RARB: variants seen among roughly 807,000 people sequenced by gnomAD.
The protein encoded by RARB is HBV-activated protein.
RARB carries 17 observed loss-of-function variants against 51.9 expected under a neutral mutation model. The ratio of observed to expected loss-of-function variants is 0.33; its 90% CI spans 0.22 to 0.49. The LOEUF (loss-of-function observed/expected upper bound fraction) is 0.49. RARB is among the 20% of genes least tolerant of loss of function. The pLI, the probability that RARB is intolerant of heterozygous loss-of-function variation, is 0.99. For synonymous variants in RARB, 215 were observed against 195.4 expected, an observed-to-expected ratio of 1.10 and a Z score of -0.84; for missense variants, 369 against 550.8, an observed-to-expected ratio of 0.67 and a Z score of 3.30.
intron 3 of RARB, among the ~76,000 whole-genome samples, chr3:25,100,796 G>A (rs570840822): frequency 9.9e-5 from 15 of 152,068 alleles, no homozygotes; most frequent in African/African-American, 1.4e-4. Context: ...CAACACACAG[G>A]GTTATATACC....
chr3:25,075,013 A>G (rs1698844120), intron 3 of RARB, among the ~76,000 whole-genome samples: 1 of 152,190 alleles, frequency 6.6e-6, no homozygotes, highest in South Asian at 2.1e-4. Context: ...TAATGTGTCA[A>G]TTCAGGTTTG....
chr3:25,501,961 G>C (rs560608963), intron 3 of RARB, among the ~76,000 whole-genome samples: 1 of 152,346 alleles, frequency 6.6e-6, no homozygotes, highest in South Asian at 2.1e-4. Flanking sequence ...AGTATAAAAA[G>C]AGTATGTGTA....
intron 3 of RARB, among the ~76,000 whole-genome samples, chr3:25,529,103 G>A (rs1046752399): frequency 1.3e-5 from 2 of 152,002 alleles, no homozygotes; most frequent in African/African-American, 4.8e-5. Flanking sequence ...ATTACAGCTG[G>A]TTGGAGGATA....
chr3:25,090,654 TCTTCTCA>T (rs1699180699), intron 3 of RARB, among the ~76,000 whole-genome samples: 2 of 152,252 alleles, frequency 1.3e-5, no homozygotes, highest in South Asian at 2.1e-4. Flanking sequence ...ACAATGAATC[TCTTCTCA>T]CTTCCTATAT....
At position 25,594,034 on chromosome 3, in the gene RARB, G is replaced by GT. The variant is rs1373971082; in HGVS notation, c.991+330dup. On this transcript the variant is annotated intron_variant, in intron 6 of 7. Transcript: ENST00000330688. ...TGATGACAAGGGACTTGTATGTGCT[G>GT]TTTGTTATCTAGTGGGTAGGCATAC... Among the ~76,000 whole-genome samples, 5 of 152,150 alleles carry GT rather than the reference G, an allele frequency of 3.3e-5. No individual in the cohort carries two copies. In the East Asian group the frequency reaches 9.6e-4, roughly 29 times the overall value.
intron 2 of RARB, among the ~76,000 whole-genome samples, chr3:24,963,410 T>A (rs1285318893): frequency 7.3e-6 from 1 of 136,638 alleles, no homozygotes; most frequent in African/African-American, 2.5e-5. Context: ...CCTAATGGCT[T>A]CCCATCCTTG....
chr3:25,329,463 A>C (rs1434055523), intron 5 of RARB, among the ~76,000 whole-genome samples: 1 of 152,176 alleles, frequency 6.6e-6, no homozygotes, highest in Non-Finnish European at 1.5e-5. Flanking sequence ...TTAGAAGGAA[A>C]ACTAATAAAC....
chr3:25,143,668 A>T (rs182893560), intron 4 of RARB, among the ~76,000 whole-genome samples: 2 of 152,168 alleles, frequency 1.3e-5, no homozygotes, highest in African/African-American at 4.8e-5. Context: ...ACCCCAAACC[A>T]CCCAACTTTT....
intron 2 of RARB, among the ~76,000 whole-genome samples, chr3:24,952,875 A>AT (rs150342797): frequency 1.7e-4 from 25 of 149,494 alleles, no homozygotes; most frequent in South Asian, 1.1e-3. Context: ...TAAAACTGGT[A>AT]TTTTTTTTGT....
At chr3:25,263,604 C>T (rs1035889808) in intron 5 of RARB, among the ~76,000 whole-genome samples, 2 of 152,186 alleles carry the variant, frequency 1.3e-5, no homozygotes, top group African/African-American at 4.8e-5. Context: ...CTAACACACA[C>T]AGGCTATGGG....
In RARB at chr3:25,301,525, G is replaced by T. The variant is rs142781266; in HGVS notation, c.178+126950G>T. ...CTATTTAGTGCATTCATATTGTGTTGTAGAGCATGGATATGTACTTGTTAA... is the reference window on the plus strand; with the variant it reads ...CTATTTAGTGCATTCATATTGTGTTTTAGAGCATGGATATGTACTTGTTAA... On this transcript the variant is annotated intron_variant, in intron 5 of 11. Coordinates refer to the RARB transcript ENST00000383772. 1.5e-4 allele frequency among the ~76,000 whole-genome samples: 23 copies of T among 152,316 alleles called. No homozygotes were observed. In the East Asian group the frequency reaches 4.4e-3, roughly 29 times the overall value.
chr3:24,918,846 T>C (rs1055905137), intron 2 of RARB, among the ~76,000 whole-genome samples: 4 of 152,080 alleles, frequency 2.6e-5, no homozygotes, highest in African/African-American at 9.7e-5. Flanking sequence ...AGCCAGATCA[T>C]GCCATTGCAC....
intron 2 of RARB, among the ~76,000 whole-genome samples, chr3:24,877,378 A>G (rs952551996): frequency 6.9e-5 from 5 of 72,580 alleles, no homozygotes; most frequent in Non-Finnish European, 1.3e-4. Flanking sequence ...AATTCACATC[A>G]ATCTTCTTGA....
intron 3 of RARB, among the ~76,000 whole-genome samples, chr3:25,524,030 G>T (rs566848797): frequency 9.2e-5 from 14 of 152,268 alleles, no homozygotes; most frequent in African/African-American, 3.1e-4. Context: ...TTTTCTGTGG[G>T]GTTTCACTGC....
At chr3:24,897,981 A>G (rs1703514524) in intron 2 of RARB, among the ~76,000 whole-genome samples, 1 of 152,192 alleles carries the variant, frequency 6.6e-6, no homozygotes, top group South Asian at 2.1e-4. Context: ...GGGTGTTGAG[A>G]AAGTTAGTCC....
chr3:25,539,849 C>A (rs887847615), intron 3 of RARB, among the ~76,000 whole-genome samples: 1 of 152,092 alleles, frequency 6.6e-6, no homozygotes, highest in African/African-American at 2.4e-5. Context: ...TTAGTTTGAA[C>A]TGTGGGTCCA....
rs1388061431 is a variant in RARB at position 25,511,842 on chromosome 3, C to G, written c.448+10519C>G. On this transcript the variant is annotated intron_variant, in intron 3 of 7. Transcript: ENST00000330688. ...GGAGGGTCTTGCTTTTTTGCATCCT[C>G]AAGGTTTAGACCTTTCCTGATAAAA... is the stretch of plus-strand genomic sequence containing the variant. Among the ~76,000 whole-genome samples the G allele has an allele frequency of 2.0e-5, 3 of 152,166 alleles. No homozygotes were observed. In the East Asian group the frequency reaches 5.8e-4, roughly 29 times the overall value.
intron 2 of RARB, among the ~76,000 whole-genome samples, chr3:25,041,936 T>C (rs985453239): frequency 2.0e-5 from 3 of 152,146 alleles, no homozygotes; most frequent in Non-Finnish European, 4.4e-5. Context: ...ACTGAATTGA[T>C]GTTGCAGTTA....
In RARB at chr3:25,596,615, A is replaced by G. The variant is rs373473927; in HGVS notation, c.1346A>G (p.Ter449=). 4 of 1,582,930 alleles carry G rather than the reference A, an allele frequency of 2.5e-6. No homozygotes were observed. The highest frequency in any genetic ancestry group is 3.5e-6 in the Non-Finnish European group (4 of 1,156,322). ...GTCAGTCAGTCACCACTCGTGCAATAAGACATTTTCTAGCTACTTCAAACA... is the reference window on the plus strand; with the variant it reads ...GTCAGTCAGTCACCACTCGTGCAATGAGACATTTTCTAGCTACTTCAAACA... ...SGVSQSPLVQ[*] is the part of the protein sequence containing the mutation. Residue 449 remains the stop codon, a stop_retained_variant, in exon 8 of 8, where the codon TAA becomes TGA. Coordinates refer to ENST00000330688, the MANE Select transcript of RARB (RefSeq NM_000965.5).
Sources: allele counts gnomAD v4.1 joint callset (sites outside exome capture counted in the v4.1 genomes callset), GRCh38; gene constraint gnomAD v4.1.1; transcripts MANE v1.5; gene names NCBI Gene and HGNC (gene_info 2026-07-23, HGNC 2026-07-21).